Variants in PDE4D observed in about 807,000 individuals in gnomAD.
The protein encoded by PDE4D is 3',5'-cyclic-AMP phosphodiesterase 4D.
PDE4D carries 24 observed loss-of-function variants against 87.4 expected under a neutral mutation model. That is an observed-to-expected ratio of 0.27 (90% confidence interval 0.20 to 0.39). PDE4D has a LOEUF of 0.39. Among genes scored for constraint, PDE4D ranks in the 10% least tolerant of loss-of-function variants. The pLI, the probability that PDE4D is intolerant of heterozygous loss-of-function variation, is 1.00. For synonymous variants in PDE4D, 384 were observed against 383.2 expected (o/e 1.00, Z -0.02); for missense variants, 714 against 1,041.0 (o/e 0.69, Z 4.32).
chr5:59,866,263 T>A (rs547897310), intron 1 of PDE4D, among the ~76,000 whole-genome samples: 6 of 152,330 alleles, frequency 3.9e-5, no homozygotes, highest in South Asian at 4.1e-4. Flanking sequence ...CTGGATTCTC[T>A]CTCATTATAC....
intron 1 of PDE4D, among the ~76,000 whole-genome samples, chr5:59,422,497 A>C (rs1191911927): frequency 6.6e-6 from 1 of 152,300 alleles, no homozygotes; most frequent in African/African-American, 2.4e-5. Flanking sequence ...CACTTCATTT[A>C]TCATAGTTTA....
chr5:60,515,567 G>A (rs1303642835), intron 1 of PDE4D, among the ~76,000 whole-genome samples: 1 of 147,164 alleles, frequency 6.8e-6, no homozygotes, highest in African/African-American at 2.6e-5. Context: ...TAAGGTGTTA[G>A]TTCTTGATCT....
intron 2 of PDE4D, among the ~76,000 whole-genome samples, chr5:60,055,523 C>A (rs1770676719): frequency 6.6e-6 from 1 of 151,942 alleles, no homozygotes; most frequent in Admixed American, 6.6e-5. Flanking sequence ...AAAGACTAAG[C>A]CTTCTACACA....
intron 2 of PDE4D, among the ~76,000 whole-genome samples, chr5:60,052,629 A>G (rs1040972698): frequency 1.4e-4 from 22 of 152,330 alleles, no homozygotes; most frequent in African/African-American, 4.8e-4. Context: ...AAACAGGCAC[A>G]AGACAAGGAT....
At chr5:60,005,790 T>C (rs1012511137) in intron 2 of PDE4D, among the ~76,000 whole-genome samples, 3 of 150,648 alleles carry the variant, frequency 2.0e-5, no homozygotes, top group African/African-American at 7.3e-5. Context: ...ATCAGCAAAA[T>C]TGAACCTATG....
chr5:59,447,916 A>C (rs1206591010), intron 1 of PDE4D, among the ~76,000 whole-genome samples: 1 of 152,196 alleles, frequency 6.6e-6, no homozygotes, highest in Non-Finnish European at 1.5e-5. Context: ...CAGGATGGGC[A>C]GCTCATTTAG....
intron 5 of PDE4D, among the ~76,000 whole-genome samples, chr5:59,144,445 AG>A (rs1451487640): frequency 6.6e-6 from 1 of 152,226 alleles, no homozygotes. Flanking sequence ...AAAATGAGAC[AG>A]TAAATAAAGG....
chr5:60,019,953 G>A (rs1415525098), intron 2 of PDE4D, among the ~76,000 whole-genome samples: 2 of 151,894 alleles, frequency 1.3e-5, no homozygotes, highest in East Asian at 3.9e-4. Context: ...TTAGCTTCCA[G>A]CCTATTTCAG....
chr5:59,327,061 T>G (rs2153574646), intron 1 of PDE4D, among the ~76,000 whole-genome samples: 1 of 151,888 alleles, frequency 6.6e-6, no homozygotes, highest in East Asian at 1.9e-4. Flanking sequence ...GGCAACTCTT[T>G]GAGAAATATC....
chr5:59,989,169 T>C (rs1053759975), intron 2 of PDE4D, among the ~76,000 whole-genome samples: 6 of 148,092 alleles, frequency 4.1e-5, no homozygotes, highest in Non-Finnish European at 7.4e-5. Context: ...TTCTGAGAAA[T>C]GCATCATTAG....
At chr5:59,352,502 A>G (rs1033725711) in intron 1 of PDE4D, among the ~76,000 whole-genome samples, 1 of 152,124 alleles carries the variant, frequency 6.6e-6, no homozygotes, top group Non-Finnish European at 1.5e-5. Flanking sequence ...GCTTTTTCTA[A>G]TGGGAATTGT....
intron 1 of PDE4D, among the ~76,000 whole-genome samples, chr5:59,888,032 T>A (rs1020773666): frequency 2.6e-5 from 4 of 152,112 alleles, no homozygotes; most frequent in Non-Finnish European, 5.9e-5. Context: ...TAACCCCTCA[T>A]GACACATGTT....
intron 2 of PDE4D, among the ~76,000 whole-genome samples, chr5:60,050,425 C>T (rs573731081): frequency 1.3e-5 from 2 of 152,318 alleles, no homozygotes; most frequent in South Asian, 4.1e-4. Flanking sequence ...ATTTCATATC[C>T]AGCCAAACTA....
intron 1 of PDE4D, among the ~76,000 whole-genome samples, chr5:60,517,936 C>A (rs938526523): frequency 6.6e-6 from 1 of 152,248 alleles, no homozygotes; most frequent in Admixed American, 6.5e-5. Context: ...AAGAGAGGAA[C>A]TGCAGCCCTT....
At chr5:60,019,696 C>T (rs887300941) in intron 2 of PDE4D, among the ~76,000 whole-genome samples, 3 of 152,132 alleles carry the variant, frequency 2.0e-5, no homozygotes, top group East Asian at 1.9e-4. Context: ...GAGAGTTTGG[C>T]GCTTGCTTGA....
chr5:59,069,512 C>CTTT (rs61429511), intron 5 of PDE4D, among the ~76,000 whole-genome samples: 2 of 142,556 alleles, frequency 1.4e-5, no homozygotes, highest in Non-Finnish European at 3.1e-5. Flanking sequence ...GAACAAGAAG[C>CTTT]TTTTTTTTTT....
chr5:59,149,772 T>A (rs1206463341), intron 5 of PDE4D, among the ~76,000 whole-genome samples: 1 of 137,190 alleles, frequency 7.3e-6, no homozygotes, highest in Non-Finnish European at 1.5e-5. Flanking sequence ...CAAGTGAGAA[T>A]GGCTTAACAA....
At chr5:59,309,477 T>C (rs1388166160) in intron 1 of PDE4D, among the ~76,000 whole-genome samples, 3 of 152,312 alleles carry the variant, frequency 2.0e-5, no homozygotes, top group Non-Finnish European at 4.4e-5. Context: ...GCTCTCCACA[T>C]TGACTCAGCT....
At chr5:58,993,020 T>C (rs899522570) in intron 7 of PDE4D, among the ~76,000 whole-genome samples, 5 of 152,150 alleles carry the variant, frequency 3.3e-5, no homozygotes, top group African/African-American at 1.2e-4. Context: ...AATTTATCAT[T>C]AAACACCTAT....
Sources: gnomAD v4.1 joint callset for allele counts (sites outside exome capture counted in the v4.1 genomes callset) on GRCh38, gnomAD v4.1.1 for gene constraint, MANE v1.5 for transcripts, NCBI Gene and HGNC (gene_info 2026-07-23, HGNC 2026-07-21) for gene names.